Variants in PARD3B observed in about 807,000 individuals in gnomAD.
The protein encoded by PARD3B is par-3 family cell polarity regulator beta, also known as partitioning defective 3 homolog B.
Under a neutral mutation model 130.2 loss-of-function variants are expected in PARD3B, and 103 were observed. The ratio of observed to expected loss-of-function variants is 0.79; its 90% CI spans 0.67 to 0.93. PARD3B has a LOEUF of 0.93. PARD3B is among the 40% of genes least tolerant of loss of function. The pLI is 0.00. For missense variants in PARD3B, 1,609 were observed against 1,499.2 expected (o/e 1.07, Z -1.21); for synonymous variants, 583 against 553.2 (o/e 1.05, Z -0.76).
chr2:205,382,149 T>C (rs1487429565), intron 18 of PARD3B, among the ~76,000 whole-genome samples: 5 of 152,074 alleles, frequency 3.3e-5, no homozygotes, highest in Non-Finnish European at 5.9e-5. Flanking sequence ...CCTTTTTCTG[T>C]TTCAGTATCT....
rs2054167552 is a variant in PARD3B at position 205,585,565 on chromosome 2, G to A, written c.3261-29891G>A. Reference sequence around the variant, plus strand: ...CAGCTGTGTGGCAGGGACTGTTGGTGCAGGTCACTTCTCCAGGCAGGGAGT... The same window carrying A: ...CAGCTGTGTGGCAGGGACTGTTGGTACAGGTCACTTCTCCAGGCAGGGAGT... On this transcript the variant is annotated intron_variant, in intron 22 of 22. Transcript: ENST00000406610. This position sits in a 1 kb window ranked among gnomAD's most constrained non-coding sequence, Gnocchi z 5.4. 6.6e-6 allele frequency among the ~76,000 whole-genome samples: 1 copy of A among 152,194 alleles called. No homozygotes were observed. The highest frequency in any genetic ancestry group is 2.1e-4 in the South Asian group (1 of 4,826).
At chr2:205,433,518 G>A (rs2047406873) in intron 19 of PARD3B, among the ~76,000 whole-genome samples, 1 of 111,150 alleles carries the variant, frequency 9.0e-6, no homozygotes, top group African/African-American at 3.5e-5. Flanking sequence ...GGCAACAAGA[G>A]CAAGACTCTG....
chr2:205,086,938 T>C (rs1196950040), intron 4 of PARD3B, among the ~76,000 whole-genome samples: 1 of 152,214 alleles, frequency 6.6e-6, no homozygotes, highest in Non-Finnish European at 1.5e-5. Context: ...AAGCATGGTG[T>C]TGTAAATACA....
chr2:205,247,304 T>G (rs1391330771), intron 16 of PARD3B, among the ~76,000 whole-genome samples: 1 of 152,222 alleles, frequency 6.6e-6, no homozygotes, highest in Non-Finnish European at 1.5e-5. Flanking sequence ...AGATGAGAAC[T>G]TTGTCATCTT....
At chr2:204,620,162 C>T (rs746326570) in intron 1 of PARD3B, among the ~76,000 whole-genome samples, 22 of 152,052 alleles carry the variant, frequency 1.4e-4, no homozygotes, top group South Asian at 8.3e-4. Context: ...CCACCATGCC[C>T]GGCTAATTTT....
At chr2:205,289,549 A>C (rs1433369632) in intron 16 of PARD3B, among the ~76,000 whole-genome samples, 1 of 152,148 alleles carries the variant, frequency 6.6e-6, no homozygotes, top group Non-Finnish European at 1.5e-5. Context: ...TAACACAAAT[A>C]GTATATGGGT....
At position 204,959,925 on chromosome 2, in the gene PARD3B, A is replaced by G. The variant is rs1400498916; in HGVS notation, c.223-5227A>G. Reference sequence around the variant, plus strand: ...ATGTGTTTTCCTAACTCCTGTTTAGAAGGTAGATATGTTCCTGTGAACCTC... The same window carrying G: ...ATGTGTTTTCCTAACTCCTGTTTAGGAGGTAGATATGTTCCTGTGAACCTC... On this transcript the variant is annotated intron_variant, in intron 2 of 22. Transcript: ENST00000406610. 2.6e-5 allele frequency among the ~76,000 whole-genome samples: 4 copies of G among 152,078 alleles called. No homozygotes were observed. The East Asian group carries it at 7.7e-4, about 29-fold the overall frequency.
chr2:205,125,888 T>G lies in PARD3B; in HGVS notation c.1434+151T>G. ...TCAGGGTATTTTACCCCATTTGGGG[T>G]ATCGCATTTTTAAAACATTGATACA... On this transcript the variant is annotated intron_variant, in intron 10 of 22. Transcript: ENST00000406610. This position sits in a 1 kb window ranked among gnomAD's most constrained non-coding sequence, Gnocchi z 4.0. 9.2e-7 allele frequency: 1 copy of G among 1,089,926 alleles called. No individual in the cohort carries two copies. Among genetic ancestry groups the G allele is most frequent in the Non-Finnish European group, 1.3e-6 (1 of 769,306 alleles). 67.5% of individuals were successfully genotyped at this position (1,089,926 alleles called of 1,614,324 possible).
At chr2:205,248,675 A>C (rs184343597) in intron 16 of PARD3B, among the ~76,000 whole-genome samples, 1,451 of 125,248 alleles carry the variant, frequency 0.012, 22 homozygotes, top group African/African-American at 0.042. Context: ...GGCGCGATCT[A>C]GGCTCACTGC....
Position 204,671,924 on chromosome 2 carries a change from C to T in PARD3B, c.121-14257C>T, listed in dbSNP as rs191942425. ...TATGCAACTGATAGTGTAATATAAT[C>T]GTCGGAAAACTTTTCCTCAACATTT... On this transcript the variant is annotated intron_variant, in intron 1 of 22. Transcript: ENST00000406610. Among the ~76,000 whole-genome samples, 49 of 152,174 alleles carry T rather than the reference C, an allele frequency of 3.2e-4. 1 individual carries two copies. The East Asian group carries it at 8.3e-3, about 26-fold the overall frequency.
At chr2:205,079,307 A>G (rs1474000680) in intron 4 of PARD3B, among the ~76,000 whole-genome samples, 1 of 152,200 alleles carries the variant, frequency 6.6e-6, no homozygotes, top group Non-Finnish European at 1.5e-5. Flanking sequence ...ATACATAGCA[A>G]AATACCCGAG....
intron 16 of PARD3B, among the ~76,000 whole-genome samples, chr2:205,257,617 T>C (rs1316837819): frequency 6.6e-6 from 1 of 152,210 alleles, no homozygotes; most frequent in African/African-American, 2.4e-5. Flanking sequence ...TAAATTAATG[T>C]ACATTAGTAA....
At chr2:205,582,671 T>G (rs931025803) in intron 22 of PARD3B, among the ~76,000 whole-genome samples, 8 of 151,964 alleles carry the variant, frequency 5.3e-5, no homozygotes, top group African/African-American at 1.9e-4. Context: ...GGTTATTGTT[T>G]TTTTTTTTTT....
intron 2 of PARD3B, among the ~76,000 whole-genome samples, chr2:204,750,072 C>T (rs2040400631): frequency 1.3e-5 from 2 of 152,132 alleles, no homozygotes; most frequent in African/African-American, 4.8e-5. Flanking sequence ...CTGTGATACA[C>T]ATGGAGGAGC....
At chr2:205,245,215 G>A (rs1016846558) in intron 15 of PARD3B, among the ~76,000 whole-genome samples, 1 of 152,134 alleles carries the variant, frequency 6.6e-6, no homozygotes, top group Non-Finnish European at 1.5e-5. Context: ...TAAAGTTCAC[G>A]TCATTTGTTT....
intron 15 of PARD3B, 40 bp downstream of exon 15, chr2:205,193,360 C>A: frequency 7.0e-7 from 1 of 1,429,646 alleles, no homozygotes; most frequent in Non-Finnish European, 9.9e-7. Context: ...AGCTCTCCAG[C>A]CTCAGCCCAT....
At chr2:204,901,497 C>A (rs2046856689) in intron 2 of PARD3B, among the ~76,000 whole-genome samples, 3 of 151,330 alleles carry the variant, frequency 2.0e-5, no homozygotes, top group South Asian at 2.1e-4. Context: ...GCAGAGGGCT[C>A]CCCTCTGGTA....
chr2:205,484,819 G>T (rs751062998), intron 20 of PARD3B, among the ~76,000 whole-genome samples: 1 of 152,124 alleles, frequency 6.6e-6, no homozygotes, highest in Non-Finnish European at 1.5e-5. Flanking sequence ...TGGGTAAAAG[G>T]CATAATTGAC....
chr2:205,401,038 G>T lies in PARD3B; in HGVS notation c.2656G>T (p.Gly886Cys). 1.9e-6 allele frequency: 3 copies of T among 1,601,484 alleles called. No homozygotes were observed. The highest frequency in any genetic ancestry group is 2.6e-6 in the Non-Finnish European group (3 of 1,173,908). ...LRFGKKKEDKGGKAEQKGTLK... is the reference protein window; with the variant it reads ...LRFGKKKEDKCGKAEQKGTLK... ...ATTTGGAAAGAAGAAAGAGGATAAG[G>T]GTGGAAAGGCTGAGCAGAAAGGTAC... The change falls in exon 19 of 23, where the codon GGT becomes TGT. Residue 886 changes from glycine to cysteine, a missense_variant. Transcript: ENST00000406610.
Sources: gnomAD v4.1 joint callset for allele counts (sites outside exome capture counted in the v4.1 genomes callset) on GRCh38, gnomAD v4.1.1 for gene constraint, Gnocchi (gnomAD v3.1) non-coding constraint, MANE v1.5 for transcripts, NCBI Gene and HGNC (gene_info 2026-07-23, HGNC 2026-07-21) for gene names.